RAB2A: variants seen among roughly 807,000 people sequenced by gnomAD.
RAB2A encodes the protein ras-related protein Rab-2A.
In RAB2A, 7 loss-of-function variants were observed where a neutral mutation model predicts 32.5. That is an observed-to-expected ratio of 0.22 (90% CI 0.12 to 0.40). RAB2A has a LOEUF of 0.40. Ranked by LOEUF, RAB2A falls within the 10% of genes least tolerant of loss-of-function variation. The probability of loss-of-function intolerance (pLI) is 1.00; values close to 1 mark genes in which losing one functional copy is unlikely to be tolerated. For synonymous variants in RAB2A, 79 were observed against 85.2 expected (o/e 0.93, Z 0.40); for missense variants, 108 against 260.7 (o/e 0.41, Z 4.03).
At chr8:60,570,088 A>G (rs771954991) in intron 2 of RAB2A, 54 of 454,032 alleles carry the variant, frequency 1.2e-4, no homozygotes, top group South Asian at 7.8e-4. Flanking sequence ...CCCTCTGCTC[A>G]AGATATCAAT....
intron 6 of RAB2A, among the ~76,000 whole-genome samples, chr8:60,595,582 CAG>C (rs1804008751): frequency 6.6e-6 from 1 of 151,982 alleles, no homozygotes; most frequent in African/African-American, 2.4e-5. Flanking sequence ...CAAAGGAAAA[CAG>C]GAGTAGCTAT....
chr8:60,566,856 C>T (rs1055494733), intron 2 of RAB2A, among the ~76,000 whole-genome samples: 4 of 152,128 alleles, frequency 2.6e-5, no homozygotes, highest in South Asian at 2.1e-4. Flanking sequence ...AGCAAGAACA[C>T]GCAGTATTTG....
At chr8:60,545,370 T>C (rs1248331819) in intron 1 of RAB2A, among the ~76,000 whole-genome samples, 1 of 152,116 alleles carries the variant, frequency 6.6e-6, no homozygotes, top group Non-Finnish European at 1.5e-5. Flanking sequence ...AGTGGGACGA[T>C]AACATCTCAG....
rs148640792 is a variant in RAB2A, at chr8:60,547,300, C to G, written c.47-11552C>G. On this transcript the variant is annotated intron_variant, in intron 1 of 7. Transcript: ENST00000262646. ...AAAAGTCTCCCCTGTCTACCTCTTT[C>G]TACACAGACATGGCAACCATCCGAT... Among the ~76,000 whole-genome samples, 1,247 of 152,364 alleles carry G rather than the reference C, an allele frequency of 8.2e-3. 19 individuals carry two copies. Among genetic ancestry groups the G allele is most frequent in the African/African-American group, 0.028 (1,155 of 41,578 alleles).
intron 3 of RAB2A, among the ~76,000 whole-genome samples, chr8:60,581,129 CAG>C (rs1803742161): frequency 6.6e-6 from 1 of 152,212 alleles, no homozygotes; most frequent in African/African-American, 2.4e-5. Flanking sequence ...GATCCCATAA[CAG>C]AGACGGCTGC....
chr8:60,591,353 T>C (rs1803941443), intron 5 of RAB2A, among the ~76,000 whole-genome samples: 1 of 151,910 alleles, frequency 6.6e-6, no homozygotes, highest in Non-Finnish European at 1.5e-5. Flanking sequence ...CAATTTTGCT[T>C]TAAGAGGAAA....
intron 2 of RAB2A, among the ~76,000 whole-genome samples, chr8:60,564,689 C>T (rs1470236128): frequency 6.6e-6 from 1 of 151,990 alleles, no homozygotes; most frequent in Non-Finnish European, 1.5e-5. Context: ...ATATTCATAC[C>T]CATACCGCAT....
At chr8:60,585,560 A>G (rs1448705797) in intron 5 of RAB2A, among the ~76,000 whole-genome samples, 1 of 152,132 alleles carries the variant, frequency 6.6e-6, no homozygotes, top group African/African-American at 2.4e-5. Context: ...TGATTCTCCC[A>G]CCTGGGCCTC....
intron 6 of RAB2A, among the ~76,000 whole-genome samples, chr8:60,596,620 A>G (rs926230706): frequency 2.6e-5 from 4 of 152,210 alleles, no homozygotes; most frequent in East Asian, 1.9e-4. Context: ...TAGAATGGCA[A>G]TCATTAAAAA....
At chr8:60,594,369 T>G (rs1803988941) in intron 6 of RAB2A, among the ~76,000 whole-genome samples, 1 of 152,090 alleles carries the variant, frequency 6.6e-6, no homozygotes, top group African/African-American at 2.4e-5. Flanking sequence ...AAAAAAATCT[T>G]GAAAGCAGCA....
chr8:60,528,510 C>T (rs1458461755), intron 1 of RAB2A, among the ~76,000 whole-genome samples: 1 of 152,222 alleles, frequency 6.6e-6, no homozygotes, highest in African/African-American at 2.4e-5. Context: ...GATCGTCCCA[C>T]TGTCCCCCAC....
intron 6 of RAB2A, among the ~76,000 whole-genome samples, chr8:60,612,798 A>G (rs1804373889): frequency 6.6e-6 from 1 of 152,218 alleles, no homozygotes; most frequent in Admixed American, 6.5e-5. Flanking sequence ...TAACACCACA[A>G]CAGCTCTACT....
At chr8:60,516,980 G>C (rs377019145), upstream of RAB2A, 1 of 429,366 alleles carries the variant, frequency 2.3e-6, no homozygotes, top group South Asian at 5.0e-5. Flanking sequence ...GCGCCGCGGC[G>C]GCTGTTATTG....
intron 3 of RAB2A, among the ~76,000 whole-genome samples, chr8:60,574,200 G>A (rs981396269): frequency 2.0e-5 from 3 of 151,988 alleles, no homozygotes; most frequent in African/African-American, 4.8e-5. Context: ...GACCCCCATC[G>A]GAATAACTTA....
intron 3 of RAB2A, among the ~76,000 whole-genome samples, chr8:60,583,235 A>G (rs535866169): frequency 6.6e-6 from 1 of 152,326 alleles, no homozygotes; most frequent in South Asian, 2.1e-4. Flanking sequence ...GGGGATTTTG[A>G]ATATAAAAAT....
At chr8:60,525,892 A>T (rs554860595) in intron 1 of RAB2A, among the ~76,000 whole-genome samples, 12 of 149,020 alleles carry the variant, frequency 8.1e-5, no homozygotes, top group African/African-American at 9.8e-5. Flanking sequence ...ATATATATAT[A>T]TTTTTTAGTT....
intron 1 of RAB2A, chr8:60,558,381 T>C (rs1245427217): frequency 2.1e-6 from 1 of 484,610 alleles, no homozygotes; most frequent in Non-Finnish European, 4.1e-6. Flanking sequence ...GCTTGTGAAA[T>C]GAATTAGCGA....
intron 1 of RAB2A, among the ~76,000 whole-genome samples, chr8:60,547,617 C>T (rs1159271780): frequency 8.1e-6 from 1 of 123,772 alleles, no homozygotes; most frequent in African/African-American, 2.9e-5. Context: ...AGAGGCGCCC[C>T]TCACCTCCCG....
intron 1 of RAB2A, among the ~76,000 whole-genome samples, chr8:60,529,359 T>C (rs183073382): frequency 1.3e-3 from 195 of 152,352 alleles, no homozygotes; most frequent in Admixed American, 2.6e-3. Flanking sequence ...GTCTTTTGTC[T>C]ACTTCTTTTT....
Sources: allele counts gnomAD v4.1 joint callset (sites outside exome capture counted in the v4.1 genomes callset), GRCh38; gene constraint gnomAD v4.1.1; transcripts MANE v1.5; gene names NCBI Gene and HGNC (gene_info 2026-07-23, HGNC 2026-07-21).